SLC43A2: variants seen among roughly 807,000 people sequenced by gnomAD.
The protein encoded by SLC43A2 is solute carrier family 43 member 2.
A neutral mutation model predicts 63.2 loss-of-function variants in SLC43A2; 38 were observed. That is an observed-to-expected ratio of 0.60 (90% CI 0.46 to 0.79). The LOEUF (loss-of-function observed/expected upper bound fraction) is 0.79. SLC43A2 is among the 30% of genes least tolerant of loss of function. The probability of loss-of-function intolerance (pLI) is 0.00; values close to 1 mark genes in which losing one functional copy is unlikely to be tolerated. For missense variants in SLC43A2, 644 were observed against 756.2 expected (o/e 0.85, Z 1.74); for synonymous variants, 322 against 331.0 (o/e 0.97, Z 0.30).
At chr17:1,576,534 G>A in intron 13 of SLC43A2, 63 bp downstream of exon 13, 1 of 1,537,410 alleles carries the variant, frequency 6.5e-7, no homozygotes, top group Middle Eastern at 1.7e-4. Context: ...GGGGGACCTT[G>A]CAGCTCGCAG....
intron 2 of SLC43A2, among the ~76,000 whole-genome samples, chr17:1,621,074 T>C (rs1908109764): frequency 6.6e-6 from 1 of 151,994 alleles, no homozygotes; most frequent in African/African-American, 2.4e-5. Flanking sequence ...GTGTGGCCAG[T>C]GAGTGCCAAG....
At chr17:1,608,221 A>T (rs1906790870) in intron 5 of SLC43A2, among the ~76,000 whole-genome samples, 1 of 151,890 alleles carries the variant, frequency 6.6e-6, no homozygotes, top group African/African-American at 2.4e-5. Flanking sequence ...TCAAAAAATG[A>T]AAACCTTGAA....
rs2075843144 is a variant in SLC43A2, at chr17:1,571,266, G to A, written c.*4338C>T. 1 of 152,302 alleles carries A rather than the reference G, an allele frequency of 6.6e-6. No individual in the cohort carries two copies. Among genetic ancestry groups the A allele is most frequent in the South Asian group, 2.1e-4 (1 of 4,836 alleles). The allele number at this position is 152,302 out of a possible 1,614,324, so 9.4% of individuals were successfully genotyped here. Reference sequence around the variant, plus strand: ...TCACCCTGACCACCCCACCCCAGGGGACCCCAGGCTCCTAACTCTCAGAAT... The same window carrying A: ...TCACCCTGACCACCCCACCCCAGGGAACCCCAGGCTCCTAACTCTCAGAAT... On this transcript the variant is annotated 3_prime_UTR_variant, in exon 14 of 14. Transcript: ENST00000301335. The surrounding 1 kb of genome is among the most constrained non-coding windows in gnomAD (Gnocchi z 5.2).
intron 2 of SLC43A2, among the ~76,000 whole-genome samples, chr17:1,618,035 C>G (rs1001409833): frequency 3.3e-5 from 5 of 152,240 alleles, no homozygotes; most frequent in African/African-American, 1.2e-4. Context: ...CTTCCGGTAA[C>G]TGCCTGCCTT....
intron 5 of SLC43A2, among the ~76,000 whole-genome samples, chr17:1,610,666 C>T (rs977117164): frequency 4.0e-5 from 6 of 149,566 alleles, no homozygotes; most frequent in Admixed American, 6.6e-5. Context: ...TCTGTTGAGC[C>T]CAGGAGTTTG....
intron 5 of SLC43A2, among the ~76,000 whole-genome samples, chr17:1,607,006 G>A (rs905757590): frequency 3.9e-5 from 6 of 152,180 alleles, no homozygotes; most frequent in African/African-American, 1.2e-4. Flanking sequence ...GCGTGTGCCC[G>A]CTTGGAGCCC....
At position 1,593,392 on chromosome 17, in the gene SLC43A2, CTGTG is replaced by C; in HGVS notation, c.502-117_502-114del. 1.1e-6 allele frequency: 1 copy of C among 904,014 alleles called. No individual in the cohort carries two copies. The highest frequency in any genetic ancestry group is 1.8e-6 in the Non-Finnish European group (1 of 566,834). The allele number at this position is 904,014 out of a possible 1,614,324, so 56.0% of individuals were successfully genotyped here. Reference sequence around the variant, plus strand: ...GCCCCTTCTTCACCTGCGCCCCTTCCTGTGTGACTCACAGGGGCATTAGTTCAGG... The same window carrying C: ...GCCCCTTCTTCACCTGCGCCCCTTCCTGACTCACAGGGGCATTAGTTCAGG... On this transcript the variant is annotated intron_variant, in intron 5 of 13. Coordinates refer to ENST00000301335, the MANE Select transcript of SLC43A2 (RefSeq NM_152346.3). This position sits in a 1 kb window ranked among gnomAD's most constrained non-coding sequence, Gnocchi z 5.3.
intron 5 of SLC43A2, among the ~76,000 whole-genome samples, chr17:1,594,861 T>G (rs945795561): frequency 4.0e-5 from 6 of 151,792 alleles, no homozygotes; most frequent in Non-Finnish European, 8.8e-5. Context: ...GTGCTGGGAT[T>G]ACAGGCGTGA....
chr17:1,604,595 A>G, intron 5 of SLC43A2: 1 of 792,296 alleles, frequency 1.3e-6, no homozygotes, highest in South Asian at 1.7e-5. Context: ...TATTGTGCAG[A>G]ACTCCTGGGC....
intron 3 of SLC43A2, among the ~76,000 whole-genome samples, chr17:1,615,679 T>TA (rs1429195266): frequency 1.3e-5 from 2 of 148,862 alleles, no homozygotes; most frequent in Non-Finnish European, 3.0e-5. Context: ...CCGTCTCTAC[T>TA]AAAAATACAA....
intron 2 of SLC43A2, among the ~76,000 whole-genome samples, chr17:1,618,565 C>T (rs571156638): frequency 3.9e-4 from 60 of 152,332 alleles, no homozygotes; most frequent in Middle Eastern, 3.4e-3. Flanking sequence ...TGTGTGGAAG[C>T]GCAAAGACAT....
chr17:1,575,437 T>A lies in SLC43A2; in HGVS notation c.*167A>T. ...GAAAACGCGCGTGTCCGGGGCCCTC[T>A]CCCGTCCTTCCACCACAGAGCTCCG... On this transcript the variant is annotated 3_prime_UTR_variant, in exon 14 of 14. Transcript: ENST00000301335. 1 of 872,076 alleles carries A rather than the reference T, an allele frequency of 1.1e-6. No homozygotes were observed. Among genetic ancestry groups the A allele is most frequent in the Non-Finnish European group, 1.8e-6 (1 of 566,704 alleles). 54.0% of individuals were successfully genotyped at this position (872,076 alleles called of 1,614,324 possible).
At chr17:1,621,062 T>C (rs984834055) in intron 2 of SLC43A2, among the ~76,000 whole-genome samples, 1 of 152,070 alleles carries the variant, frequency 6.6e-6, no homozygotes, top group Non-Finnish European at 1.5e-5. Flanking sequence ...AGGCAAGAGT[T>C]GGTGTGGCCA....
Position 1,616,544 on chromosome 17 carries a change from TAAGG to T in SLC43A2, c.368+14_368+17del. ...GTCCACCTGCCCACTCCCTGCCCCC[TAAGG>T]GACCCACACTGACCTGCCCAGCAGC... On this transcript the variant is annotated intron_variant, in intron 3 of 13. Coordinates refer to ENST00000301335, the MANE Select transcript of SLC43A2 (RefSeq NM_152346.3). 3 of 1,598,718 alleles carry T rather than the reference TAAGG, an allele frequency of 1.9e-6. No homozygotes were observed. In the East Asian group the frequency reaches 6.8e-5, roughly 36 times the overall value.
Position 1,583,102 on chromosome 17 carries a change from C to T in SLC43A2, c.1350+102G>A. The stretch of plus-strand genomic sequence containing the variant: ...TCAAAAAAATAAAGAAAGTCATCCG[C>T]TTTGTTGATGGCTTCCATGAAACAT... On this transcript the variant is annotated intron_variant, in intron 11 of 13. Transcript: ENST00000301335. The surrounding 1 kb of genome is among the most constrained non-coding windows in gnomAD (Gnocchi z 5.5). The T allele has an allele frequency of 7.6e-7, 1 of 1,314,286 alleles. No individual in the cohort carries two copies. The highest frequency in any genetic ancestry group is 1.1e-6 in the Non-Finnish European group (1 of 934,298). 81.4% of individuals were successfully genotyped at this position (1,314,286 alleles called of 1,614,324 possible).
At position 1,575,362 on chromosome 17, in the gene SLC43A2, C is replaced by A; in HGVS notation, c.*242G>T. 1.8e-6 allele frequency: 1 copy of A among 555,812 alleles called. No individual in the cohort carries two copies. The highest frequency in any genetic ancestry group is 3.2e-6 in the Non-Finnish European group (1 of 317,206). 34.4% of individuals were successfully genotyped at this position (555,812 alleles called of 1,614,324 possible). A position where few individuals can be genotyped will look rare whatever the true frequency, so the allele number is the denominator to read the frequency against. The stretch of plus-strand genomic sequence containing the variant: ...ACCACAGAGACCCCAGGCCCCGGGT[C>A]CCCGGGGGGCGGCAGAGCAAAGTCA... On this transcript the variant is annotated 3_prime_UTR_variant, in exon 14 of 14. Transcript: ENST00000301335.
At chr17:1,588,905 G>A (rs909104281) in intron 9 of SLC43A2, among the ~76,000 whole-genome samples, 4 of 152,100 alleles carry the variant, frequency 2.6e-5, no homozygotes, top group Non-Finnish European at 4.4e-5. Context: ...GGGGCCGTAC[G>A]CGGAGGCGAT....
At chr17:1,586,867 G>A (rs1392371109) in intron 9 of SLC43A2, 54 of 1,462,592 alleles carry the variant, frequency 3.7e-5, no homozygotes, top group Admixed American at 8.4e-5. Flanking sequence ...AGCTTGAGGT[G>A]AGGAGCTTCT....
At chr17:1,592,664 G>A (rs1003153576) in intron 6 of SLC43A2, among the ~76,000 whole-genome samples, 1 of 152,196 alleles carries the variant, frequency 6.6e-6, no homozygotes, top group Non-Finnish European at 1.5e-5. Context: ...CCCCTACGGG[G>A]CCCTGGCAGA....
Sources: gnomAD v4.1 joint callset for allele counts (sites outside exome capture counted in the v4.1 genomes callset) on GRCh38, gnomAD v4.1.1 for gene constraint, Gnocchi (gnomAD v3.1) non-coding constraint, MANE v1.5 for transcripts, NCBI Gene and HGNC (gene_info 2026-07-23, HGNC 2026-07-21) for gene names.